The following GRIA3 variants were observed in gnomAD, a reference collection of about 807,000 sequenced individuals.
The protein encoded by GRIA3 is glutamate ionotropic receptor AMPA type subunit 3.
In GRIA3, 3 loss-of-function variants were observed where a neutral mutation model predicts 63.0. The ratio of observed to expected loss-of-function variants is 0.05; its 90% CI spans 0.02 to 0.12. The LOEUF (loss-of-function observed/expected upper bound fraction) is 0.12, where lower values mean the gene tolerates loss of function less well. Ranked by LOEUF, GRIA3 falls within the 10% of genes least tolerant of loss-of-function variation. The pLI is 1.00. For missense variants in GRIA3, 347 were observed against 700.9 expected (o/e 0.50, Z 5.70); for synonymous variants, 274 against 257.9 (o/e 1.06, Z -0.60).
chrX:123,271,154 C>T (rs945620557), intron 3 of GRIA3, among the ~76,000 whole-genome samples: 1 of 112,092 alleles, frequency 8.9e-6, no homozygotes, highest in African/African-American at 3.2e-5. Flanking sequence ...TCTGAATGTG[C>T]TAACTTGAAA....
chrX:123,211,938 C>T lies in GRIA3; in HGVS notation c.268+25948C>T, dbSNP rs140029495. ...TAATTTTTATTGTACCGTATAGTAT[C>T]GTTATTGAGCATGGACTAGAGCATT... On this transcript the variant is annotated intron_variant, in intron 2 of 15. Coordinates refer to ENST00000620443, the MANE Select transcript of GRIA3 (RefSeq NM_007325.5). Among the ~76,000 whole-genome samples the T allele has an allele frequency of 7.0e-3, 776 of 111,405 alleles. 7 individuals are homozygous for T. Among genetic ancestry groups the T allele is most frequent in the African/African-American group, 0.024 (724 of 30,668 alleles).
At chrX:123,197,971 G>A (rs12559898) in intron 2 of GRIA3, among the ~76,000 whole-genome samples, 31,367 of 111,393 alleles carry the variant, frequency 0.28, 3,614 homozygotes, top group Admixed American at 0.39. Context: ...TTCTTCGTGG[G>A]CCCTGGAGTC....
chrX:123,487,358 C>T (rs1370519746), intron 15 of GRIA3, among the ~76,000 whole-genome samples: 1 of 112,691 alleles, frequency 8.9e-6, no homozygotes, highest in African/African-American at 3.2e-5. Flanking sequence ...AAAAGATTTT[C>T]ATTTTTCTTG....
At position 123,489,421 on chromosome X, in the gene GRIA3, T is replaced by C. The variant is rs192927030; in HGVS notation, c.*711T>C. 5.1e-3 allele frequency: 579 copies of C among 112,698 alleles called. 4 individuals are homozygous for C. Among genetic ancestry groups the C allele is most frequent in the African/African-American group, 0.018 (559 of 30,938 alleles). 9.3% of individuals were successfully genotyped at this position (112,698 alleles called of 1,213,427 possible). A position where few individuals can be genotyped will look rare whatever the true frequency, so the allele number is the denominator to read the frequency against. On this transcript the variant is annotated 3_prime_UTR_variant, in exon 16 of 16. Coordinates refer to ENST00000620443, the MANE Select transcript of GRIA3 (RefSeq NM_007325.5). ...TGTTCTTGAAATGGTTTTGTGAAAA[T>C]GCTTTGATAACTTCCCACTCAAAGA...
intron 11 of GRIA3, 93 bp downstream of exon 11, chrX:123,417,871 T>A (rs1240987290): frequency 1.2e-6 from 1 of 819,480 alleles, no homozygotes. Flanking sequence ...AACTCCAGAT[T>A]TTTTTCATTT....
rs1023228050 is a variant in GRIA3 at position 123,282,495 on chromosome X, T to C, written c.508+28953T>C. Among the ~76,000 whole-genome samples, 5 of 112,665 alleles carry C rather than the reference T, an allele frequency of 4.4e-5. No homozygotes were observed. The East Asian group carries it at 1.1e-3, about 25-fold the overall frequency. ...CTAGAAATAGGAAAACCCTCTGCTT[T>C]AGAGTCCAGAAGGAGGCAGAAGAGA... On this transcript the variant is annotated intron_variant, in intron 3 of 15. Transcript: ENST00000620443.
intron 2 of GRIA3, among the ~76,000 whole-genome samples, chrX:123,237,787 G>C (rs898431293): frequency 2.7e-5 from 3 of 111,896 alleles, no homozygotes; most frequent in African/African-American, 9.8e-5. Context: ...CATTCTAAGA[G>C]TTGCATGTGT....
chrX:123,387,579 T>C (rs1169030580), intron 5 of GRIA3, among the ~76,000 whole-genome samples: 2 of 111,905 alleles, frequency 1.8e-5, no homozygotes, highest in Non-Finnish European at 3.8e-5. Context: ...TTGTCATACA[T>C]AGCCTTCATT....
intron 2 of GRIA3, among the ~76,000 whole-genome samples, chrX:123,249,732 C>T (rs775046667): frequency 1.1e-4 from 12 of 111,904 alleles, no homozygotes; most frequent in African/African-American, 2.9e-4. Context: ...TTTTGGACCA[C>T]GGTGGCATAT....
At chrX:123,228,628 T>A (rs2044260712) in intron 2 of GRIA3, among the ~76,000 whole-genome samples, 1 of 111,854 alleles carries the variant, frequency 8.9e-6, no homozygotes, top group African/African-American at 3.3e-5. Context: ...TGCCTTCTGG[T>A]ATTAAGGATC....
chrX:123,348,779 G>T (rs772179008), intron 4 of GRIA3, among the ~76,000 whole-genome samples: 68 of 112,070 alleles, frequency 6.1e-4, no homozygotes, highest in African/African-American at 2.1e-3. Flanking sequence ...ACAGTCCCAG[G>T]CATCATTTGC....
At chrX:123,294,315 T>C (rs752991941) in intron 3 of GRIA3, among the ~76,000 whole-genome samples, 40 of 111,248 alleles carry the variant, frequency 3.6e-4, no homozygotes, top group Non-Finnish European at 6.8e-4. Context: ...TACTAATCTT[T>C]GATGTGCACA....
intron 3 of GRIA3, among the ~76,000 whole-genome samples, chrX:123,295,803 C>T (rs1339480824): frequency 1.8e-5 from 2 of 111,452 alleles, no homozygotes; most frequent in African/African-American, 6.5e-5. Flanking sequence ...GAAACACAGA[C>T]ATACATAGGT....
At chrX:123,407,946 G>T (rs1603139002) in intron 10 of GRIA3, among the ~76,000 whole-genome samples, 1 of 110,540 alleles carries the variant, frequency 9.0e-6, no homozygotes, top group East Asian at 2.9e-4. Context: ...AGGCGTAAGT[G>T]TCTTTTTATT....
At chrX:123,430,757 G>A (rs1283696100) in intron 12 of GRIA3, among the ~76,000 whole-genome samples, 1 of 110,901 alleles carries the variant, frequency 9.0e-6, no homozygotes, top group East Asian at 2.8e-4. Flanking sequence ...GGCCGAGGCA[G>A]GCAGATCACG....
chrX:123,432,675 TC>T (rs1204235555), intron 12 of GRIA3, among the ~76,000 whole-genome samples: 1 of 111,715 alleles, frequency 9.0e-6, no homozygotes, highest in African/African-American at 3.3e-5. Flanking sequence ...GAGAGATGTT[TC>T]AGAGTTTCAG....
At chrX:123,456,920 G>A (rs1464005264) in intron 12 of GRIA3, among the ~76,000 whole-genome samples, 4 of 111,305 alleles carry the variant, frequency 3.6e-5, no homozygotes, top group Non-Finnish European at 5.7e-5. Flanking sequence ...CTAGACACCT[G>A]AGCCTTTAAT....
intron 10 of GRIA3, among the ~76,000 whole-genome samples, chrX:123,414,050 T>C (rs761463207): frequency 1.8e-5 from 2 of 111,951 alleles, no homozygotes; most frequent in Non-Finnish European, 3.8e-5. Flanking sequence ...AGTATATAAT[T>C]CAAGAAACAA....
chrX:123,304,653 A>T (rs889997069), intron 3 of GRIA3, among the ~76,000 whole-genome samples: 2 of 111,553 alleles, frequency 1.8e-5, no homozygotes, highest in African/African-American at 6.5e-5. Flanking sequence ...TTTGATGACC[A>T]CCTTCAAGAG....
Sources: allele counts gnomAD v4.1 joint callset (sites outside exome capture counted in the v4.1 genomes callset), GRCh38; gene constraint gnomAD v4.1.1; transcripts MANE v1.5; gene names NCBI Gene and HGNC (gene_info 2026-07-23, HGNC 2026-07-21).